ASNS: variants seen among roughly 807,000 people sequenced by gnomAD.
ASNS encodes asparagine synthetase (glutamine-hydrolyzing).
ASNS carries 37 observed loss-of-function variants against 62.6 expected under a neutral mutation model. The ratio of observed to expected loss-of-function variants is 0.59; its 90% CI spans 0.45 to 0.78. The LOEUF (loss-of-function observed/expected upper bound fraction) is 0.78. Ranked by LOEUF, ASNS falls within the 30% of genes least tolerant of loss-of-function variation. ASNS has a pLI of 0.00. For synonymous variants in ASNS, 207 were observed against 237.9 expected (o/e 0.87, Z 1.19); for missense variants, 520 against 682.4 (o/e 0.76, Z 2.65).
chr7:97,900,404 G>T, the ASNS span, among the ~76,000 whole-genome samples: 2 of 149,380 alleles, frequency 1.3e-5, no homozygotes, highest in South Asian at 4.2e-4. Flanking sequence ...ACAAGTTTTG[G>T]TGAGGATGCA....
the ASNS span, among the ~76,000 whole-genome samples, chr7:97,882,530 G>C: frequency 1.4e-5 from 2 of 147,468 alleles, no homozygotes; most frequent in East Asian, 4.0e-4. Context: ...CCTGGAGACA[G>C]AGAGAGATTA....
chr7:97,898,740 T>G, the ASNS span: 1 of 656,360 alleles, frequency 1.5e-6, no homozygotes, highest in Non-Finnish European at 2.8e-6. Context: ...TCGGTAGTCT[T>G]GACATCAACA....
chr7:97,905,256 C>A, the ASNS span, among the ~76,000 whole-genome samples: 1 of 152,184 alleles, frequency 6.6e-6, no homozygotes, highest in Non-Finnish European at 1.5e-5. Context: ...CCTGCTCAGC[C>A]TGGACCTTAC....
chr7:97,879,190 A>G, the ASNS span, among the ~76,000 whole-genome samples: 2 of 152,130 alleles, frequency 1.3e-5, no homozygotes, highest in Non-Finnish European at 1.5e-5. Context: ...AACCATAAAA[A>G]CCCTAGAAGA....
the ASNS span, among the ~76,000 whole-genome samples, chr7:97,915,531 G>T: frequency 1.3e-5 from 2 of 152,198 alleles, no homozygotes; most frequent in Admixed American, 1.3e-4. Flanking sequence ...AGGATGACAC[G>T]CACAGAAACA....
At chr7:97,887,316 G>A in the ASNS span, among the ~76,000 whole-genome samples, 32 of 152,126 alleles carry the variant, frequency 2.1e-4, no homozygotes, top group Non-Finnish European at 4.1e-4. Flanking sequence ...GAAGCATTCA[G>A]GCACAAGTGC....
intron 1 of ASNS, 62 bp downstream of exon 1, chr7:97,872,289 C>G (rs971910867): frequency 6.9e-6 from 1 of 144,760 alleles, no homozygotes; most frequent in Non-Finnish European, 1.5e-5. Context: ...GGAGCAGCCC[C>G]AGGGCACGCG....
At chr7:97,870,154 G>A (rs1246706363) in intron 1 of ASNS, 1 of 772,200 alleles carries the variant, frequency 1.3e-6, no homozygotes, top group African/African-American at 1.8e-5. Context: ...AGCTCAAAAT[G>A]ACACATTGCA....
the ASNS span, among the ~76,000 whole-genome samples, chr7:97,900,233 G>A: frequency 6.6e-6 from 1 of 151,840 alleles, no homozygotes; most frequent in African/African-American, 2.4e-5. Flanking sequence ...ATGGTGGCAG[G>A]TGCCTATAAT....
chr7:97,878,227 A>G, the ASNS span, among the ~76,000 whole-genome samples: 1 of 152,192 alleles, frequency 6.6e-6, no homozygotes, highest in African/African-American at 2.4e-5. Flanking sequence ...GTCTTTACTA[A>G]AAATACAAAA....
chr7:97,912,208 G>T, the ASNS span, among the ~76,000 whole-genome samples: 1 of 152,184 alleles, frequency 6.6e-6, no homozygotes, highest in African/African-American at 2.4e-5. Flanking sequence ...CCAAGTCTCT[G>T]TCTCTAGAGA....
chr7:97,859,531 G>A (rs1374907975), intron 4 of ASNS, 133 bp from the exon 5 acceptor site: 4 of 973,646 alleles, frequency 4.1e-6, no homozygotes, highest in African/African-American at 3.3e-5. Context: ...AAGCAAAATA[G>A]GAAAAAAAAT....
the ASNS span, among the ~76,000 whole-genome samples, chr7:97,922,531 T>C: frequency 2.1e-5 from 3 of 144,540 alleles, no homozygotes; most frequent in Non-Finnish European, 4.6e-5. Flanking sequence ...GTACCTATAG[T>C]TAATAACAAC....
At chr7:97,888,502 C>A in the ASNS span, among the ~76,000 whole-genome samples, 27 of 152,136 alleles carry the variant, frequency 1.8e-4, no homozygotes, top group Non-Finnish European at 3.8e-4. Flanking sequence ...TCTACATAAG[C>A]TTTTAGGCTA....
At chr7:97,910,608 CT>C in the ASNS span, among the ~76,000 whole-genome samples, 924 of 144,510 alleles carry the variant, frequency 6.4e-3, 9 homozygotes, top group African/African-American at 0.022. Context: ...CAGTGAGAGA[CT>C]TTTTTTTTTT....
the ASNS span, among the ~76,000 whole-genome samples, chr7:97,927,167 C>A: frequency 2.0e-5 from 3 of 150,428 alleles, no homozygotes; most frequent in Non-Finnish European, 4.4e-5. Context: ...CGATCCTCCC[C>A]CTTCGGCCTC....
chr7:97,880,929 G>GTT, the ASNS span, among the ~76,000 whole-genome samples: 1 of 86,640 alleles, frequency 1.2e-5, no homozygotes, highest in South Asian at 4.7e-4. Context: ...GTGTGTGTGT[G>GTT]TGTGTTTTTG....
chr7:97,868,519 A>ATGTGTGTGTGTGTGTGTGTGTGTGTG lies in ASNS; in HGVS notation c.249+388_249+389insCACACACACACACACACACACACACA, dbSNP rs61611439. 1.1e-3 allele frequency among the ~76,000 whole-genome samples: 139 copies of ATGTGTGTGTGTGTGTGTGTGTGTGTG among 122,988 alleles called. 2 individuals carry two copies. Among genetic ancestry groups the ATGTGTGTGTGTGTGTGTGTGTGTGTG allele is most frequent in the Admixed American group, 0.01 (129 of 12,578 alleles). 80.7% of individuals were successfully genotyped at this position (122,988 alleles called of 152,430 possible). A position where few individuals can be genotyped will look rare whatever the true frequency, so the allele number is the denominator to read the frequency against. ...TACTCTCAAATGATTCAGCAAAAACATGTGTGTGTGTGTGTGTGTGTGTGT... is the reference window on the plus strand; with the variant it reads ...TACTCTCAAATGATTCAGCAAAAACATGTGTGTGTGTGTGTGTGTGTGTGTGTGTGTGTGTGTGTGTGTGTGTGTGT... On this transcript the variant is annotated intron_variant, in intron 3 of 12. Transcript: ENST00000394308.
the ASNS span, among the ~76,000 whole-genome samples, chr7:97,878,217 G>A: frequency 6.6e-6 from 1 of 152,122 alleles, no homozygotes; most frequent in Non-Finnish European, 1.5e-5. Context: ...GGGAAACCCC[G>A]TCTTTACTAA....
Sources: gnomAD v4.1 joint callset for allele counts (sites outside exome capture counted in the v4.1 genomes callset) on GRCh38, gnomAD v4.1.1 for gene constraint, MANE v1.5 for transcripts, NCBI Gene and HGNC (gene_info 2026-07-23, HGNC 2026-07-21) for gene names.